CLVS1: variants seen among roughly 807,000 people sequenced by gnomAD.
CLVS1 encodes clavesin-1.
CLVS1 carries 10 observed loss-of-function variants against 33.1 expected under a neutral mutation model. The observed-to-expected ratio is 0.30, with a 90% confidence interval of 0.19 to 0.51. The LOEUF (loss-of-function observed/expected upper bound fraction) is 0.51, where lower values mean the gene tolerates loss of function less well. Among genes scored for constraint, CLVS1 ranks in the 20% least tolerant of loss-of-function variants. The probability of loss-of-function intolerance (pLI) is 0.97; values close to 1 mark genes in which losing one functional copy is unlikely to be tolerated. For synonymous variants in CLVS1, 163 were observed against 166.1 expected (o/e 0.98, Z 0.14); for missense variants, 343 against 433.4 (o/e 0.79, Z 1.85).
At chr8:61,270,412 T>G (rs1337129216) in intron 2 of CLVS1, among the ~76,000 whole-genome samples, 3 of 152,356 alleles carry the variant, frequency 2.0e-5, no homozygotes, top group African/African-American at 2.4e-5. Flanking sequence ...TGGATTCATT[T>G]TGCCAGTATT....
chr8:61,118,908 T>C (rs1370319511), intron 1 of CLVS1, among the ~76,000 whole-genome samples: 1 of 152,138 alleles, frequency 6.6e-6, no homozygotes, highest in Non-Finnish European at 1.5e-5. Flanking sequence ...CAGAGCTGAG[T>C]TCAATTCCTG....
chr8:60,966,853 A>C, the CLVS1 span, among the ~76,000 whole-genome samples: 1 of 152,310 alleles, frequency 6.6e-6, no homozygotes, highest in Admixed American at 6.5e-5. Flanking sequence ...TATACATGAC[A>C]TTGGGTGGAG....
At chr8:61,347,852 C>T (rs569033202) in intron 2 of CLVS1, among the ~76,000 whole-genome samples, 2 of 151,368 alleles carry the variant, frequency 1.3e-5, no homozygotes, top group Non-Finnish European at 2.9e-5. Context: ...ACCCTACCTA[C>T]TGTTTTCCAT....
At chr8:61,265,449 A>G (rs778608769) in intron 2 of CLVS1, among the ~76,000 whole-genome samples, 4 of 152,228 alleles carry the variant, frequency 2.6e-5, no homozygotes, top group African/African-American at 4.8e-5. Flanking sequence ...AGTGAGGATA[A>G]TAATACTACC....
intron 3 of CLVS1, among the ~76,000 whole-genome samples, chr8:61,408,359 G>C (rs920919967): frequency 3.3e-5 from 5 of 152,158 alleles, no homozygotes; most frequent in African/African-American, 1.2e-4. Context: ...CAAGTGCAAA[G>C]GCCTTTAGAA....
chr8:61,165,474 T>C (rs1648502699), intron 2 of CLVS1, among the ~76,000 whole-genome samples: 1 of 152,226 alleles, frequency 6.6e-6, no homozygotes, highest in Admixed American at 6.5e-5. Flanking sequence ...TGATTGGCTA[T>C]TTCTTTACTT....
At position 61,467,849 on chromosome 8, in the gene CLVS1, T is replaced by A. The variant is rs900943931; in HGVS notation, c.977+9307T>A. 2.2e-4 allele frequency among the ~76,000 whole-genome samples: 33 copies of A among 152,332 alleles called. 1 individual carries two copies. The highest frequency in any genetic ancestry group is 3.4e-3 in the Middle Eastern group (1 of 294). ...TCTTCTTATTAGCGGCTTTTGAAAG[T>A]TTAGATCTGGAGGAAGTCCTTAGAT... is the stretch of plus-strand genomic sequence containing the variant. On this transcript the variant is annotated intron_variant, in intron 5 of 5. Coordinates refer to ENST00000325897, the MANE Select transcript of CLVS1 (RefSeq NM_173519.3).
chr8:60,992,503 T>C, the CLVS1 span, among the ~76,000 whole-genome samples: 2 of 152,212 alleles, frequency 1.3e-5, no homozygotes, highest in African/African-American at 4.8e-5. Flanking sequence ...AGAGGAGCCA[T>C]CTGAAGCAGA....
At chr8:61,416,302 C>A (rs10596191) in intron 3 of CLVS1, among the ~76,000 whole-genome samples, 19,401 of 91,408 alleles carry the variant, frequency 0.21, 1,342 homozygotes, top group East Asian at 0.32. Context: ...AGCTAGCTAG[C>A]TAGATACATA....
the CLVS1 span, among the ~76,000 whole-genome samples, chr8:61,045,247 G>T: frequency 6.6e-6 from 1 of 152,204 alleles, no homozygotes; most frequent in African/African-American, 2.4e-5. Flanking sequence ...TTCTCACCCT[G>T]GTTAGAATAG....
chr8:61,063,009 A>T (rs994511470), intron 1 of CLVS1, among the ~76,000 whole-genome samples: 4 of 152,160 alleles, frequency 2.6e-5, no homozygotes, highest in Non-Finnish European at 5.9e-5. Context: ...TTTATTCCTC[A>T]TAACTATGAC....
chr8:61,134,210 C>A (rs1806150241), intron 2 of CLVS1, among the ~76,000 whole-genome samples: 1 of 152,136 alleles, frequency 6.6e-6, no homozygotes, highest in South Asian at 2.1e-4. Flanking sequence ...GTTGATCACT[C>A]CACTCTGCTC....
chr8:61,018,876 C>G, the CLVS1 span, among the ~76,000 whole-genome samples: 2 of 152,212 alleles, frequency 1.3e-5, no homozygotes, highest in South Asian at 2.1e-4. Flanking sequence ...GTCAAGAGCA[C>G]AGCTGGTGGC....
intron 1 of CLVS1, among the ~76,000 whole-genome samples, chr8:61,125,696 G>C (rs984665175): frequency 1.2e-4 from 19 of 152,172 alleles, no homozygotes; most frequent in African/African-American, 4.1e-4. Context: ...GAACTCCACT[G>C]TTTTATTTCA....
At chr8:61,388,534 T>C (rs549356807) in intron 3 of CLVS1, among the ~76,000 whole-genome samples, 1 of 152,172 alleles carries the variant, frequency 6.6e-6, no homozygotes, top group Non-Finnish European at 1.5e-5. Flanking sequence ...AGCAGTTGTA[T>C]CTCCTAAAAT....
intron 3 of CLVS1, among the ~76,000 whole-genome samples, chr8:61,430,315 G>T (rs1816063135): frequency 6.6e-6 from 1 of 152,198 alleles, no homozygotes; most frequent in South Asian, 2.1e-4. Context: ...GTAGTTGTAT[G>T]ATTTAGCAAG....
intron 2 of CLVS1, among the ~76,000 whole-genome samples, chr8:61,135,898 G>A (rs1806183896): frequency 6.6e-6 from 1 of 152,256 alleles, no homozygotes; most frequent in African/African-American, 2.4e-5. Flanking sequence ...TATTCAGAGA[G>A]GGCTCCCCGC....
At chr8:61,477,553 C>A (rs1053636375) in intron 5 of CLVS1, among the ~76,000 whole-genome samples, 1 of 152,166 alleles carries the variant, frequency 6.6e-6, no homozygotes, top group Non-Finnish European at 1.5e-5. Flanking sequence ...AGAAATTTAT[C>A]CATTTCTTCT....
intron 1 of CLVS1, among the ~76,000 whole-genome samples, chr8:61,097,012 T>A (rs1805363327): frequency 6.6e-6 from 1 of 152,048 alleles, no homozygotes; most frequent in South Asian, 2.1e-4. Flanking sequence ...AGACATCAAC[T>A]TGAGTAGCAA....
Sources: gnomAD v4.1 joint callset for allele counts (sites outside exome capture counted in the v4.1 genomes callset) on GRCh38, gnomAD v4.1.1 for gene constraint, MANE v1.5 for transcripts, NCBI Gene and HGNC (gene_info 2026-07-23, HGNC 2026-07-21) for gene names.